The following GALM variants were observed in gnomAD, a reference collection of about 807,000 sequenced individuals.
GALM encodes the protein aldose 1-epimerase.
In GALM, 43 loss-of-function variants were observed where a neutral mutation model predicts 37.4. The observed-to-expected ratio is 1.15, with a 90% confidence interval of 0.90 to 1.48. The LOEUF is 1.48. GALM is among the 40% of genes most tolerant of loss of function. The pLI, the probability that GALM is intolerant of heterozygous loss-of-function variation, is 0.00. For missense variants in GALM, 456 were observed against 419.1 expected, an observed-to-expected ratio of 1.09 and a Z score of -0.77; for synonymous variants, 199 against 170.6, an observed-to-expected ratio of 1.17 and a Z score of -1.30.
intron 3 of GALM, chr2:38,682,351 G>A (rs1363659760): frequency 2.4e-6 from 1 of 412,218 alleles, no homozygotes; most frequent in Non-Finnish European, 5.1e-6. Flanking sequence ...ACTCATCATT[G>A]TCTACTATAC....
At chr2:38,667,650 ATT>A (rs1393127244) in intron 1 of GALM, among the ~76,000 whole-genome samples, 3 of 144,836 alleles carry the variant, frequency 2.1e-5, no homozygotes, top group African/African-American at 7.5e-5. Context: ...TGCCCGGCTA[ATT>A]TTTTTGTGTT....
chr2:38,713,443 C>A (rs1161732554), intron 4 of GALM, among the ~76,000 whole-genome samples: 1 of 152,086 alleles, frequency 6.6e-6, no homozygotes, highest in African/African-American at 2.4e-5. Context: ...CAGTGGTGCC[C>A]CCCTCATGCC....
chr2:38,678,653 T>TTAGCTAACTA (rs1331274978), intron 2 of GALM, among the ~76,000 whole-genome samples: 19 of 152,290 alleles, frequency 1.2e-4, no homozygotes, highest in African/African-American at 4.6e-4. Context: ...CTAACTAGGG[T>TTAGCTAACTA]GTAAAATGAA....
chr2:38,694,766 A>G (rs1339208051), intron 4 of GALM, among the ~76,000 whole-genome samples: 1 of 151,884 alleles, frequency 6.6e-6, no homozygotes, highest in Non-Finnish European at 1.5e-5. Flanking sequence ...GCGTGGTGGC[A>G]GGCGCCTATA....
At chr2:38,686,272 CTTT>C (rs1665528398) in intron 3 of GALM, among the ~76,000 whole-genome samples, 4 of 90,400 alleles carry the variant, frequency 4.4e-5, no homozygotes, top group African/African-American at 1.7e-4. Flanking sequence ...TTCTTTCTTT[CTTT>C]CTTATTTTGA....
At chr2:38,677,412 C>G (rs1284970579) in intron 2 of GALM, among the ~76,000 whole-genome samples, 1 of 152,210 alleles carries the variant, frequency 6.6e-6, no homozygotes, top group African/African-American at 2.4e-5. Context: ...TGGAACTAGA[C>G]TGACTGCCCC....
intron 2 of GALM, 92 bp downstream of exon 2, chr2:38,676,158 G>A: frequency 7.7e-7 from 1 of 1,295,120 alleles, no homozygotes; most frequent in South Asian, 1.3e-5. Flanking sequence ...TAGAGCACAT[G>A]AGTGGTGAGA....
At chr2:38,708,362 G>A (rs1666083258) in intron 4 of GALM, among the ~76,000 whole-genome samples, 1 of 152,038 alleles carries the variant, frequency 6.6e-6, no homozygotes, top group Non-Finnish European at 1.5e-5. Flanking sequence ...CAGAGATTCT[G>A]ATTCATTTGC....
intron 4 of GALM, among the ~76,000 whole-genome samples, chr2:38,711,162 CTT>C (rs35852563): frequency 8.1e-5 from 11 of 135,588 alleles, no homozygotes; most frequent in Admixed American, 1.5e-4. Context: ...TACAGATAGC[CTT>C]TTTTTTTTTT....
chr2:38,681,848 C>CT (rs1360262776), intron 3 of GALM, among the ~76,000 whole-genome samples: 1 of 152,194 alleles, frequency 6.6e-6, no homozygotes, highest in Non-Finnish European at 1.5e-5. Context: ...ACCCTTGGAG[C>CT]TTTGGAAATG....
At chr2:38,703,490 G>T (rs1665973123) in intron 4 of GALM, among the ~76,000 whole-genome samples, 1 of 151,966 alleles carries the variant, frequency 6.6e-6, no homozygotes, top group Admixed American at 6.6e-5. Flanking sequence ...CCATCCACTA[G>T]CTATGCTATG....
chr2:38,732,014 C>A, intron 6 of GALM, 105 bp downstream of exon 6: 1 of 1,006,450 alleles, frequency 9.9e-7, no homozygotes, highest in Non-Finnish European at 1.5e-6. Context: ...AAAGTTCATG[C>A]TTTGTTTGTT....
At chr2:38,676,105 A>G (rs766326075) in intron 2 of GALM, 39 bp downstream of exon 2, 2 of 1,603,622 alleles carry the variant, frequency 1.2e-6, no homozygotes, top group Non-Finnish European at 1.7e-6. Flanking sequence ...CTTTAGGCTC[A>G]CTTTACGCAT....
intron 3 of GALM, among the ~76,000 whole-genome samples, chr2:38,687,444 T>G (rs1238533889): frequency 1.3e-5 from 2 of 152,174 alleles, no homozygotes; most frequent in Non-Finnish European, 1.5e-5. Context: ...GCATGGTGGC[T>G]CAAGTCTGTA....
intron 4 of GALM, among the ~76,000 whole-genome samples, chr2:38,708,702 C>G (rs2148447242): frequency 6.8e-6 from 1 of 146,044 alleles, no homozygotes; most frequent in East Asian, 2.0e-4. Flanking sequence ...GCACTCCAGC[C>G]TGGGTGATAG....
intron 4 of GALM, among the ~76,000 whole-genome samples, chr2:38,709,377 C>T (rs1666105692): frequency 6.6e-6 from 1 of 151,862 alleles, no homozygotes; most frequent in African/African-American, 2.4e-5. Context: ...TGAAAAATAC[C>T]CCACCATGAA....
rs1420140842 is a variant in GALM, at chr2:38,734,641, C to T, written c.*1076C>T. ...GTATGTGACAAGGCTGGGGCTCCTT[C>T]TTTCCTAGACAATCAAAGTATCAGT... On this transcript the variant is annotated 3_prime_UTR_variant, in exon 7 of 7. Coordinates refer to ENST00000272252, the MANE Select transcript of GALM (RefSeq NM_138801.3). 3.5e-5 allele frequency: 5 copies of T among 143,806 alleles called. No individual in the cohort carries two copies. The highest frequency in any genetic ancestry group is 7.5e-5 in the Non-Finnish European group (5 of 66,990). 8.9% of individuals were successfully genotyped at this position (143,806 alleles called of 1,614,324 possible).
intron 6 of GALM, among the ~76,000 whole-genome samples, chr2:38,733,163 G>A (rs1666640671): frequency 6.7e-6 from 1 of 149,612 alleles, no homozygotes; most frequent in African/African-American, 2.5e-5. Context: ...GGGGTTTGCA[G>A]TGAGCTGAGA....
chr2:38,695,184 A>T (rs1665777981), intron 4 of GALM, among the ~76,000 whole-genome samples: 1 of 152,068 alleles, frequency 6.6e-6, no homozygotes, highest in Admixed American at 6.6e-5. Flanking sequence ...GCACTTCAGG[A>T]GGTGGAGGCG....
Sources: allele counts gnomAD v4.1 joint callset (sites outside exome capture counted in the v4.1 genomes callset), GRCh38; gene constraint gnomAD v4.1.1; transcripts MANE v1.5; gene names NCBI Gene and HGNC (gene_info 2026-07-23, HGNC 2026-07-21).